SNTG1: variants seen among roughly 807,000 people sequenced by gnomAD.
The protein encoded by SNTG1 is syntrophin gamma 1.
SNTG1 carries 39 observed loss-of-function variants against 74.7 expected under a neutral mutation model. That is an observed-to-expected ratio of 0.52 (90% confidence interval 0.40 to 0.68). SNTG1 has a LOEUF of 0.68. SNTG1 is among the 30% of genes least tolerant of loss of function. SNTG1 has a pLI of 0.00. For synonymous variants in SNTG1, 254 were observed against 217.1 expected (o/e 1.17, Z -1.49); for missense variants, 685 against 609.5 (o/e 1.12, Z -1.30).
intron 12 of SNTG1, among the ~76,000 whole-genome samples, chr8:50,578,967 G>A (rs1247311990): frequency 6.6e-6 from 1 of 152,178 alleles, no homozygotes; most frequent in Admixed American, 6.5e-5. Flanking sequence ...CTGGGTACCA[G>A]TTAGAGCTTG....
chr8:50,781,300 G>A (rs1178843850), intron 18 of SNTG1, among the ~76,000 whole-genome samples: 7 of 151,512 alleles, frequency 4.6e-5, no homozygotes, highest in Admixed American at 6.6e-5. Context: ...TGTTGACAGT[G>A]GGGTGTTAAA....
intron 1 of SNTG1, among the ~76,000 whole-genome samples, chr8:49,934,285 ATCT>A (rs1807851919): frequency 1.9e-4 from 1 of 5,218 alleles, no homozygotes; most frequent in African/African-American, 7.6e-4. Context: ...ATATAGATCT[ATCT>A]ATCTATCTAT....
intron 1 of SNTG1, among the ~76,000 whole-genome samples, chr8:50,010,294 G>C (rs1815651914): frequency 6.6e-6 from 1 of 152,024 alleles, no homozygotes; most frequent in African/African-American, 2.4e-5. Flanking sequence ...ACTCCAATGA[G>C]ACCTTTCCTT....
chr8:50,473,873 T>C (rs2093673496), intron 8 of SNTG1, among the ~76,000 whole-genome samples: 1 of 152,066 alleles, frequency 6.6e-6, no homozygotes, highest in Non-Finnish European at 1.5e-5. Context: ...ATAAAACTCA[T>C]AGAAGCAGAA....
At chr8:50,057,354 C>G (rs542799320) in intron 1 of SNTG1, among the ~76,000 whole-genome samples, 44 of 152,224 alleles carry the variant, frequency 2.9e-4, no homozygotes, top group African/African-American at 1.1e-3. Flanking sequence ...TATACCTTAT[C>G]GGGAGCAATG....
chr8:50,191,096 T>C (rs189726302), intron 2 of SNTG1, among the ~76,000 whole-genome samples: 1 of 152,292 alleles, frequency 6.6e-6, no homozygotes, highest in African/African-American at 2.4e-5. Context: ...CCATATATCA[T>C]ACTTACGTAG....
intron 1 of SNTG1, among the ~76,000 whole-genome samples, chr8:49,953,810 G>A (rs1809933212): frequency 2.6e-5 from 4 of 152,018 alleles, no homozygotes; most frequent in Admixed American, 2.6e-4. Flanking sequence ...GTTTTGTGCA[G>A]ATTCCGTTTG....
At chr8:50,047,901 G>A (rs1000962583) in intron 1 of SNTG1, among the ~76,000 whole-genome samples, 2 of 152,030 alleles carry the variant, frequency 1.3e-5, no homozygotes, top group African/African-American at 4.8e-5. Flanking sequence ...CTGAGTTAGT[G>A]GTTAAGACTT....
At chr8:50,142,141 A>G (rs2081681763) in intron 1 of SNTG1, among the ~76,000 whole-genome samples, 1 of 152,114 alleles carries the variant, frequency 6.6e-6, no homozygotes, top group South Asian at 2.1e-4. Flanking sequence ...GATATTTTAT[A>G]GTATAGCTGT....
intron 13 of SNTG1, among the ~76,000 whole-genome samples, chr8:50,638,017 A>T (rs2095049897): frequency 6.6e-6 from 1 of 152,154 alleles, no homozygotes; most frequent in Admixed American, 6.5e-5. Flanking sequence ...TTACCCCCAA[A>T]GATGTATCCA....
At chr8:49,924,481 A>G (rs1011753735) in intron 1 of SNTG1, among the ~76,000 whole-genome samples, 1 of 152,134 alleles carries the variant, frequency 6.6e-6, no homozygotes, top group African/African-American at 2.4e-5. Flanking sequence ...TGTTTTAAAA[A>G]CCAAGTTTAG....
At chr8:50,439,844 TCATTTTTACTGAAC>T (rs1216898409) in intron 5 of SNTG1, among the ~76,000 whole-genome samples, 1 of 150,732 alleles carries the variant, frequency 6.6e-6, no homozygotes, top group Non-Finnish European at 1.5e-5. Flanking sequence ...TCTGAAATCA[TCATTTTTACTGAAC>T]CAGGCACTAA....
At chr8:50,775,391 G>A (rs1237496590) in intron 18 of SNTG1, among the ~76,000 whole-genome samples, 1 of 151,484 alleles carries the variant, frequency 6.6e-6, no homozygotes, top group Non-Finnish European at 1.5e-5. Context: ...AGACTCTCTT[G>A]TATATAAAGG....
At chr8:50,573,846 TAA>T (rs1253226850) in intron 12 of SNTG1, among the ~76,000 whole-genome samples, 1 of 151,964 alleles carries the variant, frequency 6.6e-6, no homozygotes, top group Non-Finnish European at 1.5e-5. Context: ...TTCTTATATA[TAA>T]TAGTCTTATT....
At chr8:50,717,025 C>T (rs1048770406) in intron 17 of SNTG1, among the ~76,000 whole-genome samples, 18 of 152,188 alleles carry the variant, frequency 1.2e-4, no homozygotes, top group Non-Finnish European at 2.1e-4. Flanking sequence ...CGTGAGCCAC[C>T]GCGCCCAGCT....
chr8:50,014,681 T>C (rs765635817), intron 1 of SNTG1, among the ~76,000 whole-genome samples: 2 of 152,108 alleles, frequency 1.3e-5, no homozygotes, highest in Non-Finnish European at 2.9e-5. Context: ...AGAGGATCTA[T>C]AGGCAAGCAA....
chr8:50,746,438 C>A (rs935788528), intron 17 of SNTG1, among the ~76,000 whole-genome samples: 3 of 151,914 alleles, frequency 2.0e-5, no homozygotes, highest in African/African-American at 7.2e-5. Context: ...TTTGGCCTAT[C>A]TATTCATGAG....
At chr8:50,070,931 G>T (rs1352832906) in intron 1 of SNTG1, among the ~76,000 whole-genome samples, 1 of 152,130 alleles carries the variant, frequency 6.6e-6, no homozygotes, top group Admixed American at 6.5e-5. Context: ...CTTCATGGAG[G>T]GTCGGACTTG....
intron 1 of SNTG1, among the ~76,000 whole-genome samples, chr8:50,121,681 A>T (rs1439856783): frequency 7.1e-6 from 1 of 141,826 alleles, no homozygotes; most frequent in Non-Finnish European, 1.6e-5. Flanking sequence ...AACTGTACCA[A>T]AAAAATAGAA....
Sources: gnomAD v4.1 joint callset for allele counts (sites outside exome capture counted in the v4.1 genomes callset) on GRCh38, gnomAD v4.1.1 for gene constraint, MANE v1.5 for transcripts, NCBI Gene and HGNC (gene_info 2026-07-23, HGNC 2026-07-21) for gene names.